ANKMY1: variants seen among roughly 807,000 people sequenced by gnomAD.
The protein encoded by ANKMY1 is ankyrin repeat and MYND domain containing 1.
A neutral mutation model predicts 102.0 loss-of-function variants in ANKMY1; 98 were observed. The ratio of observed to expected loss-of-function variants is 0.96; its 90% CI spans 0.82 to 1.14. ANKMY1 has a LOEUF of 1.14. ANKMY1 is among the 50% of genes most tolerant of loss of function. ANKMY1 has a pLI of 0.00. For missense variants in ANKMY1, 1,330 were observed against 1,347.6 expected (o/e 0.99, Z 0.20); for synonymous variants, 582 against 559.9 (o/e 1.04, Z -0.56).
At chr2:240,515,425 C>T (rs1331264154) in intron 9 of ANKMY1, among the ~76,000 whole-genome samples, 1 of 152,042 alleles carries the variant, frequency 6.6e-6, no homozygotes, top group African/African-American at 2.4e-5. Flanking sequence ...ATCCCAGCTA[C>T]TCAGGAGGCT....
intron 17 of ANKMY1, 147 bp downstream of exon 17, chr2:240,480,790 A>C: frequency 1.1e-5 from 14 of 1,220,542 alleles, no homozygotes; most frequent in Non-Finnish European, 1.6e-5. Context: ...CCCACCTCCC[A>C]ACAGGCCGAT....
At position 240,500,417 on chromosome 2, in the gene ANKMY1, T is replaced by TC. The variant is rs770272268; in HGVS notation, c.2640+34dup. On this transcript the variant is annotated intron_variant, in intron 14 of 17. Coordinates refer to ENST00000401804, the MANE Select transcript of ANKMY1 (RefSeq NM_001282771.3). ...CGGGGGCCCTGCACGTGACCCACAC[T>TC]CCCCCTCCTTCCTCATGGGAGGCTC... The TC allele has an allele frequency of 7.1e-5, 113 of 1,588,336 alleles. 1 individual carries two copies. In the Middle Eastern group the frequency reaches 1.5e-3, roughly 21 times the overall value.
intron 2 of ANKMY1, chr2:240,555,333 C>T (rs1338946703): frequency 1.1e-5 from 5 of 451,264 alleles, no homozygotes; most frequent in African/African-American, 9.7e-5. Flanking sequence ...GCCTGTCCAG[C>T]CCGGGCCTGC....
chr2:240,517,934 G>A (rs1181929850), intron 9 of ANKMY1, among the ~76,000 whole-genome samples: 4 of 152,202 alleles, frequency 2.6e-5, no homozygotes, highest in African/African-American at 4.8e-5. Flanking sequence ...TGGAAAGAAA[G>A]ATTGCATTTT....
rs1040820152 is a variant in ANKMY1, at chr2:240,523,530, C to A, written c.1832+355G>T. The A allele has an allele frequency of 1.6e-4, 51 of 322,092 alleles. No homozygotes were observed. In the Admixed American group the frequency reaches 2.2e-3, roughly 14 times the overall value. 20.0% of individuals were successfully genotyped at this position (322,092 alleles called of 1,614,324 possible). A position where few individuals can be genotyped will look rare whatever the true frequency, so the allele number is the denominator to read the frequency against. ...GAGAGCTGCCCAGGCAGGTGTCACT[C>A]ACGTGCACTATGGCTAGGATAGGAC... On this transcript the variant is annotated intron_variant, in intron 8 of 17. Coordinates refer to ENST00000401804, the MANE Select transcript of ANKMY1 (RefSeq NM_001282771.3).
At chr2:240,470,769 C>G in the ANKMY1 span, among the ~76,000 whole-genome samples, 7 of 152,290 alleles carry the variant, frequency 4.6e-5, no homozygotes, top group African/African-American at 1.4e-4. Flanking sequence ...GTAGACTCAG[C>G]TAAAATAACC....
In ANKMY1 at chr2:240,500,076, C is replaced by T. The variant is rs774641161; in HGVS notation, c.2688G>A (p.Glu896=). 15 of 1,611,174 alleles carry T rather than the reference C, an allele frequency of 9.3e-6. No individual in the cohort carries two copies. Among genetic ancestry groups the T allele is most frequent in the African/African-American group, 4.0e-5 (3 of 74,872 alleles). ...GCTTCCGCGCCAGGAACGTCTCGCGCTCTGCTGGCATCAGCGTGTGGAAGG... is the reference window on the plus strand; with the variant it reads ...GCTTCCGCGCCAGGAACGTCTCGCGTTCTGCTGGCATCAGCGTGTGGAAGG... ...RCPFHTLMPA[E]RETFLARKRL... The change falls in exon 15 of 18, where the codon GAG becomes GAA. Residue 896 remains glutamate (E), a synonymous_variant. Transcript: ENST00000401804.
downstream of ANKMY1, among the ~76,000 whole-genome samples, chr2:240,477,132 C>G (rs1052222230): frequency 6.6e-6 from 1 of 152,136 alleles, no homozygotes; most frequent in Admixed American, 6.5e-5. Flanking sequence ...GCCTGCCCAA[C>G]GTGGAGAAAC....
chr2:240,551,729 G>C (rs1446397078), intron 4 of ANKMY1, among the ~76,000 whole-genome samples: 3 of 152,160 alleles, frequency 2.0e-5, no homozygotes, highest in Non-Finnish European at 2.9e-5. Context: ...CCTCAGCATG[G>C]AGCAGCCAGA....
intron 13 of ANKMY1, among the ~76,000 whole-genome samples, chr2:240,503,891 T>C (rs1301096482): frequency 6.6e-6 from 1 of 152,192 alleles, no homozygotes; most frequent in Non-Finnish European, 1.5e-5. Context: ...GAAGGGACTT[T>C]TGGCTGCAGA....
Position 240,500,128 on chromosome 2 carries a change from G to A in ANKMY1, c.2641-5C>T, listed in dbSNP as rs531802839. ...GCAGCGGGCAATCCTCCGGTCCTGC[G>A]GCACAGCACCAGGGTCACCACAGGG... On this transcript the variant is annotated splice_region_variant and splice_polypyrimidine_tract_variant and intron_variant, in intron 14 of 17. Transcript: ENST00000401804. 90 of 1,592,814 alleles carry A rather than the reference G, an allele frequency of 5.7e-5. No homozygotes were observed. The highest frequency in any genetic ancestry group is 2.3e-4 in the East Asian group (10 of 43,688).
chr2:240,479,402 TA>T, downstream of ANKMY1: 2 of 650,854 alleles, frequency 3.1e-6, no homozygotes, highest in Non-Finnish European at 5.3e-6. Context: ...TTTGCCCAGC[TA>T]GGGGCAGAGC....
chr2:240,502,763 C>T (rs1269287730), intron 13 of ANKMY1, among the ~76,000 whole-genome samples: 1 of 151,756 alleles, frequency 6.6e-6, no homozygotes, highest in African/African-American at 2.4e-5. Context: ...CAAGCCCCCA[C>T]ATCTGAACTA....
intron 15 of ANKMY1, among the ~76,000 whole-genome samples, chr2:240,486,093 G>A (rs1371913677): frequency 6.6e-6 from 1 of 152,116 alleles, no homozygotes; most frequent in Non-Finnish European, 1.5e-5. Flanking sequence ...AAGAAGCTGA[G>A]AGAAGGAGAA....
chr2:240,550,459 C>T (rs2125060649), intron 4 of ANKMY1, among the ~76,000 whole-genome samples: 1 of 151,710 alleles, frequency 6.6e-6, no homozygotes, highest in South Asian at 2.1e-4. Context: ...CACATGTATA[C>T]ATATGTAACT....
the ANKMY1 span, among the ~76,000 whole-genome samples, chr2:240,470,714 G>A: frequency 6.6e-6 from 1 of 152,098 alleles, no homozygotes. Context: ...AGAAACAGGA[G>A]GAAACACTGG....
chr2:240,519,862 G>T (rs906239511), intron 9 of ANKMY1: 2 of 250,338 alleles, frequency 8.0e-6, no homozygotes, highest in Non-Finnish European at 1.7e-5. Flanking sequence ...CGTCCGCTGG[G>T]AAAGGCACTT....
downstream of ANKMY1, among the ~76,000 whole-genome samples, chr2:240,475,684 C>G (rs1159476892): frequency 6.6e-6 from 1 of 151,726 alleles, no homozygotes; most frequent in Admixed American, 6.6e-5. Context: ...AAAAACACAA[C>G]TAATTTTTGT....
chr2:240,556,923 G>A (rs2092409606), intron 2 of ANKMY1, among the ~76,000 whole-genome samples: 1 of 152,170 alleles, frequency 6.6e-6, no homozygotes, highest in South Asian at 2.1e-4. Flanking sequence ...ATCTCGTGAG[G>A]GAAACGTTCC....
Sources: allele counts gnomAD v4.1 joint callset (sites outside exome capture counted in the v4.1 genomes callset), GRCh38; gene constraint gnomAD v4.1.1; transcripts MANE v1.5; gene names NCBI Gene and HGNC (gene_info 2026-07-23, HGNC 2026-07-21).